Variants in PTCSC3 observed in about 807,000 individuals in gnomAD.
PTCSC3 encodes the protein papillary thyroid carcinoma susceptibility candidate 3 (non-protein coding).
At chr14:36,153,736 A>T (rs1881771953) in intron 3 of PTCSC3, 4 of 152,192 alleles carry the variant, frequency 2.6e-5, no homozygotes, top group Non-Finnish European at 5.9e-5. Context: ...ATGGATAAAT[A>T]AATCTTGTTA....
intron 1 of PTCSC3, among the ~76,000 whole-genome samples, chr14:36,175,528 T>C (rs1281137410): frequency 1.3e-5 from 2 of 152,160 alleles, no homozygotes; most frequent in African/African-American, 2.4e-5. Context: ...TCCCAGCCAG[T>C]TGCAAAAACT....
At chr14:36,154,031 C>T (rs1340432641) in intron 2 of PTCSC3, 1 of 150,062 alleles carries the variant, frequency 6.7e-6, no homozygotes, top group Non-Finnish European at 1.5e-5. Flanking sequence ...GGTGCCACTG[C>T]ACTCCAGCCT....
chr14:36,163,821 A>G (rs562159157), intron 1 of PTCSC3, among the ~76,000 whole-genome samples: 1 of 152,364 alleles, frequency 6.6e-6, no homozygotes, highest in Admixed American at 6.5e-5. Context: ...ATTTCCAATC[A>G]ATTATCATCT....
chr14:36,155,474 T>C (rs975893924), intron 2 of PTCSC3, among the ~76,000 whole-genome samples: 1 of 152,056 alleles, frequency 6.6e-6, no homozygotes, highest in Non-Finnish European at 1.5e-5. Flanking sequence ...GTATATTTTA[T>C]ATATACATAT....
At chr14:36,174,509 A>G (rs1882247663) in intron 1 of PTCSC3, among the ~76,000 whole-genome samples, 1 of 152,162 alleles carries the variant, frequency 6.6e-6, no homozygotes, top group Admixed American at 6.5e-5. Flanking sequence ...CTAGTGATTA[A>G]ATAGTGAACA....
intron 2 of PTCSC3, among the ~76,000 whole-genome samples, chr14:36,154,791 G>C (rs914870293): frequency 6.6e-6 from 1 of 152,082 alleles, no homozygotes; most frequent in Non-Finnish European, 1.5e-5. Flanking sequence ...TTAGGATTGG[G>C]TTCCCTTTGG....
intron 1 of PTCSC3, among the ~76,000 whole-genome samples, chr14:36,173,464 C>A (rs1332480463): frequency 1.3e-5 from 2 of 152,106 alleles, no homozygotes; most frequent in Non-Finnish European, 2.9e-5. Flanking sequence ...GTCAAATTTC[C>A]AGACAACCTT....
intron 1 of PTCSC3, among the ~76,000 whole-genome samples, chr14:36,175,244 C>G (rs1183637508): frequency 6.6e-6 from 1 of 152,212 alleles, no homozygotes; most frequent in Admixed American, 6.5e-5. Flanking sequence ...AGGCACAGAG[C>G]TGAGGCAATC....
At chr14:36,135,392 C>T (rs1241213921), downstream of PTCSC3, among the ~76,000 whole-genome samples, 2 of 152,144 alleles carry the variant, frequency 1.3e-5, no homozygotes, top group Non-Finnish European at 2.9e-5. Context: ...AGTATGAGTT[C>T]CCATTCTGGC....
At chr14:36,134,962 T>C (rs1048206848), downstream of PTCSC3, among the ~76,000 whole-genome samples, 4 of 152,172 alleles carry the variant, frequency 2.6e-5, no homozygotes, top group Non-Finnish European at 5.9e-5. Context: ...GTACAAAGGA[T>C]TTATCTGCTT....
chr14:36,156,707 T>C (rs1881835225), intron 2 of PTCSC3, among the ~76,000 whole-genome samples: 1 of 152,160 alleles, frequency 6.6e-6, no homozygotes, highest in Admixed American at 6.5e-5. Flanking sequence ...AATGATGGTT[T>C]CCAGCTTCAT....
At chr14:36,171,659 A>G (rs1403916637) in intron 1 of PTCSC3, among the ~76,000 whole-genome samples, 1 of 152,126 alleles carries the variant, frequency 6.6e-6, no homozygotes, top group African/African-American at 2.4e-5. Flanking sequence ...CAAGATAGGG[A>G]AAAAATCAGT....
At chr14:36,159,541 A>G (rs752025714) in intron 2 of PTCSC3, among the ~76,000 whole-genome samples, 2 of 152,110 alleles carry the variant, frequency 1.3e-5, no homozygotes, top group Admixed American at 6.5e-5. Context: ...TTCAGTTTCC[A>G]TGTAGTTGTG....
intron 2 of PTCSC3, among the ~76,000 whole-genome samples, chr14:36,158,902 A>G (rs1007992942): frequency 6.6e-6 from 1 of 152,106 alleles, no homozygotes; most frequent in Admixed American, 6.5e-5. Flanking sequence ...TTTGGTTGGT[A>G]GGCTATTAAT....
chr14:36,159,167 A>G (rs1448548207), intron 2 of PTCSC3, among the ~76,000 whole-genome samples: 1 of 142,724 alleles, frequency 7.0e-6, no homozygotes, highest in African/African-American at 2.6e-5. Context: ...CTACTGGTCT[A>G]TTTTGTTGAT....
chr14:36,137,942 T>C (rs932399642), intron 3 of PTCSC3, among the ~76,000 whole-genome samples: 1 of 152,190 alleles, frequency 6.6e-6, no homozygotes, highest in Non-Finnish European at 1.5e-5. Context: ...TACGTATTGA[T>C]AGCAATAAAG....
chr14:36,172,484 TAC>T (rs1882209286), intron 1 of PTCSC3, among the ~76,000 whole-genome samples: 1 of 152,134 alleles, frequency 6.6e-6, no homozygotes. Flanking sequence ...TAACTCTAAC[TAC>T]CAGAGCCACT....
At chr14:36,157,602 C>T (rs565329243) in intron 2 of PTCSC3, among the ~76,000 whole-genome samples, 1 of 152,156 alleles carries the variant, frequency 6.6e-6, no homozygotes, top group Admixed American at 6.5e-5. Context: ...TTTCAGTTTT[C>T]TGCGTATGGC....
chr14:36,163,070 G>C (rs1005641911), intron 1 of PTCSC3, among the ~76,000 whole-genome samples: 1 of 147,098 alleles, frequency 6.8e-6, no homozygotes, highest in Non-Finnish European at 1.5e-5. Context: ...CTTGTCTCAG[G>C]TTCTGTTATA....
Sources: gnomAD v4.1 joint callset for allele counts (sites outside exome capture counted in the v4.1 genomes callset) on GRCh38, gnomAD v4.1.1 for gene constraint, MANE v1.5 for transcripts, NCBI Gene and HGNC (gene_info 2026-07-23, HGNC 2026-07-21) for gene names.